Variants in NTRK3 observed in about 807,000 individuals in gnomAD.
The protein encoded by NTRK3 is NT-3 growth factor receptor.
Under a neutral mutation model 91.7 loss-of-function variants are expected in NTRK3, and 24 were observed. That is an observed-to-expected ratio of 0.26 (90% CI 0.19 to 0.37). The LOEUF (loss-of-function observed/expected upper bound fraction) is 0.37, where lower values mean the gene tolerates loss of function less well. Ranked by LOEUF, NTRK3 falls within the 10% of genes least tolerant of loss-of-function variation. NTRK3 has a pLI of 1.00. For synonymous variants in NTRK3, 483 were observed against 404.0 expected (o/e 1.20, Z -2.34); for missense variants, 880 against 1,068.9 (o/e 0.82, Z 2.46).
intron 5 of NTRK3, among the ~76,000 whole-genome samples, chr15:88,173,722 C>T (rs541593311): frequency 1.3e-5 from 2 of 152,364 alleles, no homozygotes; most frequent in South Asian, 4.1e-4. Flanking sequence ...AAGCCTACTG[C>T]CTCCCTCTCT....
At chr15:87,942,461 G>C (rs531567901) in intron 14 of NTRK3, among the ~76,000 whole-genome samples, 3 of 152,298 alleles carry the variant, frequency 2.0e-5, no homozygotes, top group South Asian at 4.2e-4. Flanking sequence ...TAGGAAGTCA[G>C]GCCCTCTCTC....
At chr15:88,003,826 ATTT>A (rs35312227) in intron 14 of NTRK3, among the ~76,000 whole-genome samples, 22 of 136,382 alleles carry the variant, frequency 1.6e-4, no homozygotes, top group African/African-American at 3.0e-4. Flanking sequence ...ATATATTTGG[ATTT>A]TTTTTTTTTT....
At chr15:87,986,020 T>C (rs997465677) in intron 14 of NTRK3, among the ~76,000 whole-genome samples, 4 of 152,218 alleles carry the variant, frequency 2.6e-5, no homozygotes, top group Admixed American at 2.6e-4. Context: ...AGTGACCTCT[T>C]AGAATCATAA....
chr15:88,090,866 C>G (rs1676242951), intron 13 of NTRK3, among the ~76,000 whole-genome samples: 1 of 152,174 alleles, frequency 6.6e-6, no homozygotes, highest in African/African-American at 2.4e-5. Flanking sequence ...AAAAAAAGCA[C>G]GGTTTCCAGG....
At chr15:87,892,706 C>T (rs2065911481) in intron 17 of NTRK3, among the ~76,000 whole-genome samples, 1 of 152,106 alleles carries the variant, frequency 6.6e-6, no homozygotes, top group South Asian at 2.1e-4. Context: ...AATGTATGAT[C>T]ATTGGCCATT....
chr15:87,909,249 T>C (rs1339989609), intron 17 of NTRK3, among the ~76,000 whole-genome samples: 5 of 152,078 alleles, frequency 3.3e-5, no homozygotes, highest in Non-Finnish European at 5.9e-5. Context: ...AAGCAAGGCC[T>C]TTCCCTTGAA....
At chr15:87,968,536 C>A (rs914162485) in intron 14 of NTRK3, among the ~76,000 whole-genome samples, 3 of 151,964 alleles carry the variant, frequency 2.0e-5, no homozygotes, top group Non-Finnish European at 2.9e-5. Flanking sequence ...GAAAAAAAAA[C>A]AGGTCTAGGA....
At chr15:88,065,616 T>C (rs1046795326) in intron 13 of NTRK3, among the ~76,000 whole-genome samples, 53 of 152,218 alleles carry the variant, frequency 3.5e-4, no homozygotes, top group African/African-American at 1.2e-3. Context: ...CCATGATTTT[T>C]GTTCTCATAA....
Position 88,048,387 on chromosome 15 carries a change from A to T in NTRK3, c.1397-15342T>A, listed in dbSNP as rs150466447. 1.8e-3 allele frequency among the ~76,000 whole-genome samples: 277 copies of T among 152,334 alleles called. 1 individual carries two copies. Among genetic ancestry groups the T allele is most frequent in the Admixed American group, 4.1e-3 (63 of 15,304 alleles). ...TGATGAGGATTATGGGTAAGGAGAC[A>T]GACAGCTCTGACAGGAGAGGCAATG... On this transcript the variant is annotated intron_variant, in intron 13 of 18. Transcript: ENST00000394480.
chr15:88,024,218 C>G (rs1356415824), intron 14 of NTRK3, among the ~76,000 whole-genome samples: 1 of 152,202 alleles, frequency 6.6e-6, no homozygotes, highest in Non-Finnish European at 1.5e-5. Context: ...GCTAAAGAGA[C>G]AGTGCACAGA....
At chr15:87,871,961 C>T (rs1010130880) in exon 19 of NTRK3, 1 of 221,574 alleles carries the variant, frequency 4.5e-6, no homozygotes, top group African/African-American at 2.2e-5. Context: ...TATTTAAATC[C>T]TTAAATATTG....
intron 13 of NTRK3, among the ~76,000 whole-genome samples, chr15:88,046,136 G>A (rs562184925): frequency 6.6e-6 from 1 of 152,334 alleles, no homozygotes; most frequent in East Asian, 1.9e-4. Context: ...GGTGATAGAT[G>A]TGGAGGAATC....
intron 13 of NTRK3, among the ~76,000 whole-genome samples, chr15:88,042,249 T>C (rs555802787): frequency 6.6e-6 from 1 of 152,260 alleles, no homozygotes; most frequent in South Asian, 2.1e-4. Context: ...CCATTTACTG[T>C]CTCATAAAAA....
chr15:88,159,943 TACACACACACACACACACACACACACAC>T (rs59254719), intron 5 of NTRK3, among the ~76,000 whole-genome samples: 2 of 111,968 alleles, frequency 1.8e-5, no homozygotes, highest in African/African-American at 3.4e-5. Flanking sequence ...CCCAGCCTCC[TACACACACACACACACACACACACACAC>T]ACACACACAC....
intron 14 of NTRK3, among the ~76,000 whole-genome samples, chr15:88,006,822 G>A (rs2141699167): frequency 6.6e-6 from 1 of 152,310 alleles, no homozygotes; most frequent in Admixed American, 6.5e-5. Flanking sequence ...CACATGCACA[G>A]CCCATGACGG....
At chr15:88,029,735 C>T (rs1331877260) in intron 14 of NTRK3, among the ~76,000 whole-genome samples, 1 of 152,238 alleles carries the variant, frequency 6.6e-6, no homozygotes, top group Non-Finnish European at 1.5e-5. Flanking sequence ...ACCATAAATA[C>T]TCTCCACTTA....
chr15:87,909,206 T>A (rs1374681310), intron 17 of NTRK3, among the ~76,000 whole-genome samples: 3 of 152,036 alleles, frequency 2.0e-5, no homozygotes, highest in Non-Finnish European at 4.4e-5. Context: ...TTAACATTTG[T>A]GTTCCCCCTC....
chr15:87,908,639 G>A, intron 17 of NTRK3: 2 of 399,330 alleles, frequency 5.0e-6, no homozygotes, highest in East Asian at 3.6e-5. Flanking sequence ...AGGAAGCATG[G>A]AAGGATGAAA....
chr15:88,255,821 G>A lies in NTRK3; in HGVS notation c.248+85C>T. 2.4e-6 allele frequency: 3 copies of A among 1,235,836 alleles called. No homozygotes were observed. The highest frequency in any genetic ancestry group is 2.0e-5 in the South Asian group (1 of 49,152). The allele number at this position is 1,235,836 out of a possible 1,614,324, so 76.6% of individuals were successfully genotyped here. ...CGGGCAGCGGCGAGCTGGGGCGGGC[G>A]GAGGGCCGGCTCCCGGCCGCGGGTG... is the stretch of plus-strand genomic sequence containing the variant. On this transcript the variant is annotated intron_variant, in intron 3 of 18. Transcript: ENST00000394480. The surrounding 1 kb of genome is among the most constrained non-coding windows in gnomAD (Gnocchi z 4.3).
Sources: allele counts gnomAD v4.1 joint callset (sites outside exome capture counted in the v4.1 genomes callset), GRCh38; gene constraint gnomAD v4.1.1; non-coding constraint Gnocchi (gnomAD v3.1); transcripts MANE v1.5; gene names NCBI Gene and HGNC (gene_info 2026-07-23, HGNC 2026-07-21).